The following ELMO2 variants were observed in gnomAD, a reference collection of about 807,000 sequenced individuals.
ELMO2 encodes the protein engulfment and cell motility protein 2.
Under a neutral mutation model 96.2 loss-of-function variants are expected in ELMO2, and 37 were observed. That is an observed-to-expected ratio of 0.38 (90% CI 0.30 to 0.51). The LOEUF (loss-of-function observed/expected upper bound fraction) is 0.51. ELMO2 is among the 20% of genes least tolerant of loss of function. The probability of loss-of-function intolerance (pLI) is 0.88; values close to 1 mark genes in which losing one functional copy is unlikely to be tolerated. For synonymous variants in ELMO2, 315 were observed against 329.4 expected (o/e 0.96, Z 0.47); for missense variants, 561 against 912.6 (o/e 0.61, Z 4.96).
At chr20:46,404,062 C>T (rs1191136481) in intron 1 of ELMO2, among the ~76,000 whole-genome samples, 1 of 151,872 alleles carries the variant, frequency 6.6e-6, no homozygotes, top group Non-Finnish European at 1.5e-5. Context: ...CCAGCCTGGG[C>T]GACAAGAGTA....
chr20:46,383,548 T>G, intron 9 of ELMO2, 54 bp from the exon 10 acceptor site: 1 of 1,472,260 alleles, frequency 6.8e-7, no homozygotes. Context: ...AACAGCAAGA[T>G]GATGCTTAGA....
At position 46,371,353 on chromosome 20, in the gene ELMO2, T is replaced by C. The variant is rs1238876895; in HGVS notation, c.1800A>G (p.Lys600=). Residue 600 remains lysine (K), a splice_region_variant and synonymous_variant, in exon 19 of 22, where the codon AAA becomes AAG. Transcript: ENST00000290246. The surrounding 1 kb of genome is among the most constrained non-coding windows in gnomAD (Gnocchi z 5.9). ...ACATCAACAGAGAAATGAACCTACT[T>C]TTCTCCTGCAGGGATTCAAATGTCA... ...GEVTFESLQE[K]IPVADIKAIV... The C allele has an allele frequency of 6.2e-7, 1 of 1,614,036 alleles. No homozygotes were observed. Among genetic ancestry groups the C allele is most frequent in the Non-Finnish European group, 8.5e-7 (1 of 1,179,996 alleles).
intron 1 of ELMO2, among the ~76,000 whole-genome samples, chr20:46,404,216 G>C (rs920763583): frequency 1.3e-5 from 2 of 152,204 alleles, no homozygotes; most frequent in Admixed American, 6.5e-5. Context: ...GCCGAGGTAT[G>C]GTGACCAGGT....
chr20:46,399,458 G>A (rs1452288443), intron 1 of ELMO2, among the ~76,000 whole-genome samples: 1 of 152,176 alleles, frequency 6.6e-6, no homozygotes, highest in Non-Finnish European at 1.5e-5. Context: ...TCAAGCATCA[G>A]AGCCTAGTTC....
chr20:46,382,337 A>C (rs1393523629), intron 10 of ELMO2: 14 of 1,164,328 alleles, frequency 1.2e-5, no homozygotes, highest in Non-Finnish European at 1.6e-5. Flanking sequence ...AACAGAGCCA[A>C]GCCATCCAAG....
Position 46,394,503 on chromosome 20 carries a change from T to C in ELMO2, c.-21A>G. 6.2e-7 allele frequency: 1 copy of C among 1,613,866 alleles called. No individual in the cohort carries two copies. The highest frequency in any genetic ancestry group is 8.5e-7 in the Non-Finnish European group (1 of 1,179,748). ...GGCATCGTTCCCAATGGGCTCTAAT[T>C]CTGCGAGACAAAAACACAGACACGG... On this transcript the variant is annotated 5_prime_UTR_variant, in exon 3 of 22. Transcript: ENST00000290246.
intron 1 of ELMO2, among the ~76,000 whole-genome samples, chr20:46,400,606 C>G (rs1431427042): frequency 2.0e-5 from 3 of 152,270 alleles, no homozygotes; most frequent in South Asian, 4.1e-4. Flanking sequence ...TTCCACTCCT[C>G]TTTAAGCATT....
chr20:46,387,630 TG>T, intron 7 of ELMO2, 193 bp from the exon 8 acceptor site: 1 of 57,724 alleles, frequency 1.7e-5, no homozygotes. Context: ...TATCTATCGC[TG>T]CAAAAAAAAA....
chr20:46,367,374 A>G lies in ELMO2; in HGVS notation c.2149T>C (p.Tyr717His). ...TGGCTCCAGGCTCAGCCATAGTGAT[A>G]GACAAAGTCATAGCTGCTGGGCTCC... ...PKEPSSYDFV[Y>H]HYG The change falls in exon 22 of 22, where the codon TAT (tyrosine) becomes CAT (histidine). Residue 717 changes from tyrosine to histidine, a missense_variant. Coordinates refer to ENST00000290246, the MANE Select transcript of ELMO2 (RefSeq NM_133171.5). 2 of 1,578,700 alleles carry G rather than the reference A, an allele frequency of 1.3e-6. No individual in the cohort carries two copies. The highest frequency in any genetic ancestry group is 1.7e-6 in the Non-Finnish European group (2 of 1,163,098).
chr20:46,371,339 G>T lies in ELMO2; in HGVS notation c.1801+13C>A. On this transcript the variant is annotated intron_variant, in intron 19 of 21. Coordinates refer to ENST00000290246, the MANE Select transcript of ELMO2 (RefSeq NM_133171.5). The surrounding 1 kb of genome is among the most constrained non-coding windows in gnomAD (Gnocchi z 5.9). Reference sequence around the variant, plus strand: ...CCAGCAACCATGACACATCAACAGAGAAATGAACCTACTTTTCTCCTGCAG... The same window carrying T: ...CCAGCAACCATGACACATCAACAGATAAATGAACCTACTTTTCTCCTGCAG... 6.2e-7 allele frequency: 1 copy of T among 1,613,324 alleles called. No homozygotes were observed. Among genetic ancestry groups the T allele is most frequent in the Non-Finnish European group, 8.5e-7 (1 of 1,179,250 alleles).
intron 11 of ELMO2, among the ~76,000 whole-genome samples, chr20:46,378,410 C>G (rs57631342): frequency 6.6e-6 from 1 of 152,120 alleles, no homozygotes; most frequent in African/African-American, 2.4e-5. Flanking sequence ...ACTTCTAACC[C>G]GATTAAATAG....
At chr20:46,376,910 T>A in intron 11 of ELMO2, 1 of 996,732 alleles carries the variant, frequency 1.0e-6, no homozygotes. Context: ...ATTTGGTTCC[T>A]TAGTTGCACC....
In ELMO2 at chr20:46,387,453, C is replaced by A; in HGVS notation, c.426-16G>T. The A allele has an allele frequency of 6.3e-7, 1 of 1,593,870 alleles. No homozygotes were observed. Among genetic ancestry groups the A allele is most frequent in the South Asian group, 1.1e-5 (1 of 90,362 alleles). ...CTCACTGTAGCTGAGACACGTGCAA[C>A]ACACACACAAAATAGACAAAGATTC... On this transcript the variant is annotated splice_polypyrimidine_tract_variant and intron_variant, in intron 7 of 21. Coordinates refer to ENST00000290246, the MANE Select transcript of ELMO2 (RefSeq NM_133171.5).
chr20:46,383,594 A>C (rs1425587012), intron 9 of ELMO2, 100 bp from the exon 10 acceptor site: 3 of 1,150,056 alleles, frequency 2.6e-6, no homozygotes, highest in Non-Finnish European at 3.9e-6. Context: ...ATTATAAGCA[A>C]ATAATGATCT....
Position 46,371,728 on chromosome 20 carries a change from T to C in ELMO2, c.1581-37A>G, listed in dbSNP as rs1410862002. 6 of 1,613,536 alleles carry C rather than the reference T, an allele frequency of 3.7e-6. No homozygotes were observed. Among genetic ancestry groups the C allele is most frequent in the Admixed American group, 1.7e-5 (1 of 59,994 alleles). ...ACACACTGGAGTGAGCGGAAGGTCATGGGGACAGTGGAGCTCTGGAAGGAA... is the reference window on the plus strand; with the variant it reads ...ACACACTGGAGTGAGCGGAAGGTCACGGGGACAGTGGAGCTCTGGAAGGAA... On this transcript the variant is annotated intron_variant, in intron 17 of 21. Transcript: ENST00000290246. This position sits in a 1 kb window ranked among gnomAD's most constrained non-coding sequence, Gnocchi z 5.9.
intron 9 of ELMO2, among the ~76,000 whole-genome samples, chr20:46,384,950 T>C (rs2060016262): frequency 1.3e-5 from 2 of 152,010 alleles, no homozygotes; most frequent in Non-Finnish European, 2.9e-5. Context: ...TGAGACCCTG[T>C]CTCAAAAAAG....
At chr20:46,396,456 C>T (rs1351485119) in intron 2 of ELMO2, among the ~76,000 whole-genome samples, 4 of 152,016 alleles carry the variant, frequency 2.6e-5, no homozygotes, top group Admixed American at 1.3e-4. Context: ...CATGCATCTC[C>T]CTGTAACCAG....
Position 46,385,294 on chromosome 20 carries a change from G to A in ELMO2, c.677+830C>T, listed in dbSNP as rs1357839672. Among the ~76,000 whole-genome samples, 7 of 152,190 alleles carry A rather than the reference G, an allele frequency of 4.6e-5. No individual in the cohort carries two copies. The East Asian group carries it at 7.7e-4, about 17-fold the overall frequency. On this transcript the variant is annotated intron_variant, in intron 9 of 21. Transcript: ENST00000290246. ...TGGTTGGAAGTGAGGTAAAAACAGC[G>A]GAGACGGGAGAAACATTGCTCCAAT...
At position 46,366,138 on chromosome 20, in the gene ELMO2, G is replaced by A. The variant is rs1402063492; in HGVS notation, c.*1222C>T. The stretch of plus-strand genomic sequence containing the variant: ...TGGTTACAATCTTGGCTCACAACTG[G>A]AAGTGTTACATACTTTTTACTTCCC... On this transcript the variant is annotated 3_prime_UTR_variant, in exon 22 of 22. Transcript: ENST00000290246. The A allele has an allele frequency of 1.3e-5, 2 of 152,668 alleles. No homozygotes were observed. The highest frequency in any genetic ancestry group is 2.9e-5 in the Non-Finnish European group (2 of 68,046). 9.5% of individuals were successfully genotyped at this position (152,668 alleles called of 1,614,324 possible).
Sources: gnomAD v4.1 joint callset for allele counts (sites outside exome capture counted in the v4.1 genomes callset) on GRCh38, gnomAD v4.1.1 for gene constraint, Gnocchi (gnomAD v3.1) non-coding constraint, MANE v1.5 for transcripts, NCBI Gene and HGNC (gene_info 2026-07-23, HGNC 2026-07-21) for gene names.